MTHFS: variants seen among roughly 807,000 people sequenced by gnomAD.
The protein encoded by MTHFS is methenyltetrahydrofolate synthetase.
A neutral mutation model predicts 12.7 loss-of-function variants in MTHFS; 7 were observed. The ratio of observed to expected loss-of-function variants is 0.55; its 90% CI spans 0.31 to 1.03. The LOEUF (loss-of-function observed/expected upper bound fraction) is 1.03. MTHFS is among the 50% of genes least tolerant of loss of function. The probability of loss-of-function intolerance (pLI) is 0.05; values close to 1 mark genes in which losing one functional copy is unlikely to be tolerated. For synonymous variants in MTHFS, 100 were observed against 97.1 expected (o/e 1.03, Z -0.18); for missense variants, 252 against 258.1 (o/e 0.98, Z 0.16).
intron 2 of MTHFS, among the ~76,000 whole-genome samples, chr15:79,883,664 C>T (rs534981687): frequency 6.6e-6 from 1 of 151,402 alleles, no homozygotes; most frequent in East Asian, 1.9e-4. Flanking sequence ...GACTACAAGG[C>T]GAACTGTACT....
intron 1 of MTHFS, 68 bp from the exon 2 acceptor site, chr15:79,889,422 CCTTT>C (rs2034435297): frequency 6.5e-7 from 1 of 1,534,086 alleles, no homozygotes; most frequent in Admixed American, 2.0e-5. Context: ...AACAATTCCT[CCTTT>C]CTCTCTCAGC....
At chr15:79,877,114 TGATGGAAGAAAAAAG>T (rs2034211594) in intron 2 of MTHFS, 1 of 151,360 alleles carries the variant, frequency 6.6e-6, no homozygotes, top group African/African-American at 2.4e-5. Flanking sequence ...GGGTTTGAGA[TGATGGAAGAAAAAAG>T]GCAGTGTACT....
intron 2 of MTHFS, among the ~76,000 whole-genome samples, chr15:79,863,900 T>C (rs2033960188): frequency 1.3e-5 from 2 of 152,234 alleles, no homozygotes; most frequent in Non-Finnish European, 2.9e-5. Context: ...ACTTTGGAGT[T>C]TTCTGCTACA....
At chr15:79,857,177 T>C (rs573263315) in intron 2 of MTHFS, among the ~76,000 whole-genome samples, 1 of 152,082 alleles carries the variant, frequency 6.6e-6, no homozygotes, top group South Asian at 2.1e-4. Flanking sequence ...TATATTTTTT[T>C]AGTAGAGATG....
At chr15:79,847,479 C>T (rs8035525) in intron 2 of MTHFS, among the ~76,000 whole-genome samples, 3,751 of 151,872 alleles carry the variant, frequency 0.025, 169 homozygotes, top group African/African-American at 0.085. Flanking sequence ...GGTCAGAAGA[C>T]AGAGATCATC....
intron 2 of MTHFS, among the ~76,000 whole-genome samples, chr15:79,863,999 C>A (rs1044362214): frequency 2.0e-5 from 3 of 152,194 alleles, no homozygotes; most frequent in Non-Finnish European, 4.4e-5. Flanking sequence ...GGAAAGGCAC[C>A]GTGTGCCATC....
chr15:79,864,241 T>A (rs1199836821), intron 2 of MTHFS, among the ~76,000 whole-genome samples: 1 of 152,098 alleles, frequency 6.6e-6, no homozygotes, highest in Non-Finnish European at 1.5e-5. Context: ...CATGTCACTG[T>A]CTCTGTACAA....
In MTHFS at chr15:79,889,261, T is replaced by G; in HGVS notation, c.211A>C (p.Ile71Leu). Residue 71 changes from isoleucine (I) to leucine (L), a missense_variant, in exon 2 of 3, where the codon ATT becomes CTT. Physicochemically the swap from Ile to Leu is conservative, Grantham distance 5 (BLOSUM62 2). Transcript: ENST00000258874. Reference sequence around the variant, plus strand: ...AAGCAGATTTTGCCTCGTTGGAAAATGTCCTTGATGATCTCTTCTGTCTCA... The same window carrying G: ...AAGCAGATTTTGCCTCGTTGGAAAAGGTCCTTGATGATCTCTTCTGTCTCA... The part of the protein sequence containing the change: ...EIETEEIIKD[I>L]FQRGKICFIP... The G allele has an allele frequency of 6.2e-7, 1 of 1,614,200 alleles. No homozygotes were observed. Among genetic ancestry groups the G allele is most frequent in the Non-Finnish European group, 8.5e-7 (1 of 1,180,022 alleles).
chr15:79,875,690 C>T (rs1269937597), intron 2 of MTHFS, among the ~76,000 whole-genome samples: 1 of 151,970 alleles, frequency 6.6e-6, no homozygotes, highest in Non-Finnish European at 1.5e-5. Flanking sequence ...GCTATGATAC[C>T]AAAAGCACAA....
intron 2 of MTHFS, among the ~76,000 whole-genome samples, chr15:79,874,800 C>T (rs1463650416): frequency 6.6e-6 from 1 of 152,108 alleles, no homozygotes; most frequent in Non-Finnish European, 1.5e-5. Flanking sequence ...CTCCTATTCG[C>T]TTTTGTAAGA....
intron 2 of MTHFS, among the ~76,000 whole-genome samples, chr15:79,881,965 A>C (rs1174217619): frequency 6.6e-6 from 1 of 152,254 alleles, no homozygotes; most frequent in Admixed American, 6.5e-5. Flanking sequence ...CACAGTGCCT[A>C]ACTCAGGAGG....
At chr15:79,861,069 T>C (rs1208751101) in intron 2 of MTHFS, among the ~76,000 whole-genome samples, 1 of 152,228 alleles carries the variant, frequency 6.6e-6, no homozygotes, top group Non-Finnish European at 1.5e-5. Context: ...GTCGTCATCA[T>C]CATCATCAAG....
Position 79,888,780 on chromosome 15 carries a change from A to C in MTHFS, c.379+313T>G, listed in dbSNP as rs1353765667. On this transcript the variant is annotated intron_variant, in intron 2 of 2. Coordinates refer to ENST00000258874, the MANE Select transcript of MTHFS (RefSeq NM_006441.4). The stretch of plus-strand genomic sequence containing the variant: ...AAGATATAAGTGCTCATTAACATTA[A>C]TAATAATATGCTCATTAGCAAGCAG... Among the ~76,000 whole-genome samples the C allele has an allele frequency of 2.0e-5, 3 of 152,258 alleles. No individual in the cohort carries two copies. The East Asian group carries it at 5.8e-4, about 29-fold the overall frequency.
intron 1 of MTHFS, 146 bp downstream of exon 1, chr15:79,896,726 G>A (rs1269441977): frequency 1.1e-6 from 1 of 883,872 alleles, no homozygotes; most frequent in African/African-American, 3.1e-5. Flanking sequence ...GCGTGCGCGC[G>A]CCGGGAGGGG....
At chr15:79,896,104 C>A (rs1191894656) in intron 1 of MTHFS, among the ~76,000 whole-genome samples, 2 of 152,218 alleles carry the variant, frequency 1.3e-5, no homozygotes, top group African/African-American at 4.8e-5. Flanking sequence ...AGTAATGAAA[C>A]AGAGGTCTGC....
intron 2 of MTHFS, among the ~76,000 whole-genome samples, chr15:79,850,925 G>C (rs2033707511): frequency 2.0e-5 from 3 of 152,156 alleles, no homozygotes; most frequent in Non-Finnish European, 4.4e-5. Flanking sequence ...TGGCAGCGAG[G>C]TAGCCTGGGC....
At chr15:79,885,797 T>A (rs2141373775) in intron 2 of MTHFS, among the ~76,000 whole-genome samples, 1 of 152,350 alleles carries the variant, frequency 6.6e-6, no homozygotes, top group Middle Eastern at 3.4e-3. Flanking sequence ...TGGGCCACCA[T>A]GTGGCACCAG....
intron 2 of MTHFS, among the ~76,000 whole-genome samples, chr15:79,880,775 C>A: frequency 6.8e-6 from 1 of 147,000 alleles, no homozygotes; most frequent in African/African-American, 2.5e-5. Context: ...ACTCCTAATC[C>A]CTGCAAGTAG....
chr15:79,882,015 T>C (rs571421607), intron 2 of MTHFS, among the ~76,000 whole-genome samples: 1 of 152,344 alleles, frequency 6.6e-6, no homozygotes, highest in Admixed American at 6.5e-5. Context: ...TCACCCAAAA[T>C]GCCTACAATG....
Sources: allele counts gnomAD v4.1 joint callset (sites outside exome capture counted in the v4.1 genomes callset), GRCh38; gene constraint gnomAD v4.1.1; transcripts MANE v1.5; gene names NCBI Gene and HGNC (gene_info 2026-07-23, HGNC 2026-07-21).